The following ANK3 variants were observed in gnomAD, a reference collection of about 807,000 sequenced individuals.
ANK3 encodes the protein ankyrin-3.
A neutral mutation model predicts 370.9 loss-of-function variants in ANK3; 57 were observed. The ratio of observed to expected loss-of-function variants is 0.15; its 90% CI spans 0.12 to 0.19. The LOEUF is 0.19. Ranked by LOEUF, ANK3 falls within the 10% of genes least tolerant of loss-of-function variation. The pLI, the probability that ANK3 is intolerant of heterozygous loss-of-function variation, is 1.00. For synonymous variants in ANK3, 1,929 were observed against 1,946.3 expected (o/e 0.99, Z 0.23); for missense variants, 4,439 against 5,302.1 (o/e 0.84, Z 5.06).
chr10:60,261,311 G>A (rs1036952240), intron 7 of ANK3, among the ~76,000 whole-genome samples: 1 of 152,122 alleles, frequency 6.6e-6, no homozygotes, highest in Non-Finnish European at 1.5e-5. Context: ...CTGTGCAGTG[G>A]GCCATATGAC....
At chr10:60,029,848 A>G (rs1290144155) in intron 43 of ANK3, 22 bp from the exon 44 acceptor site, 15 of 133,000 alleles carry the variant, frequency 1.1e-4, no homozygotes. Flanking sequence ...GACAGTAGAT[A>G]GTGAGTTTAG....
At chr10:60,334,500 CA>C (rs2052308432) in intron 1 of ANK3, among the ~76,000 whole-genome samples, 1 of 152,108 alleles carries the variant, frequency 6.6e-6, no homozygotes, top group Admixed American at 6.6e-5. Flanking sequence ...TGCAGAGGAG[CA>C]GAGCTGGAAG....
chr10:60,352,121 C>A (rs1298191428), intron 1 of ANK3, among the ~76,000 whole-genome samples: 3 of 152,066 alleles, frequency 2.0e-5, no homozygotes, highest in Admixed American at 6.6e-5. Context: ...CATGGTGAAA[C>A]CGTGTCTCTT....
intron 2 of ANK3, among the ~76,000 whole-genome samples, chr10:60,553,146 C>T (rs913963083): frequency 6.6e-6 from 1 of 152,182 alleles, no homozygotes; most frequent in African/African-American, 2.4e-5. Flanking sequence ...TTTAATTACA[C>T]CGTCTAAATG....
chr10:60,725,668 T>C (rs1197276444), intron 1 of ANK3, among the ~76,000 whole-genome samples: 1 of 152,210 alleles, frequency 6.6e-6, no homozygotes, highest in Non-Finnish European at 1.5e-5. Flanking sequence ...GATATGGTTG[T>C]TGTGAGACAT....
chr10:60,221,570 C>A (rs933143600), intron 8 of ANK3, among the ~76,000 whole-genome samples: 2 of 152,080 alleles, frequency 1.3e-5, no homozygotes, highest in African/African-American at 2.4e-5. Flanking sequence ...TATTTTGAAG[C>A]AAATCCAAGA....
At chr10:60,102,453 T>C (rs980073537) in intron 28 of ANK3, among the ~76,000 whole-genome samples, 1 of 152,144 alleles carries the variant, frequency 6.6e-6, no homozygotes, top group African/African-American at 2.4e-5. Flanking sequence ...GGCTCAGAGA[T>C]TGAGTGCTTC....
chr10:60,606,568 C>T (rs1210572528), intron 2 of ANK3, among the ~76,000 whole-genome samples: 2 of 152,128 alleles, frequency 1.3e-5, no homozygotes, highest in Non-Finnish European at 1.5e-5. Flanking sequence ...TAAGGTAAAA[C>T]CTTGCTATGC....
rs36033791 is a variant in ANK3, at chr10:60,141,561, G to GTTTTTTTTTTTT, written c.2615-2486_2615-2475dup. On this transcript the variant is annotated intron_variant, in intron 23 of 43. Transcript: ENST00000280772. ...CACTGGAGAGGCCATTTCAATTGCT[G>GTTTTTTTTTTTT]TTTTTTTTTTTTTTTTTTTTTTTTT... Among the ~76,000 whole-genome samples the GTTTTTTTTTTTT allele has an allele frequency of 2.3e-3, 111 of 49,004 alleles. 7 individuals carry two copies. Among genetic ancestry groups the GTTTTTTTTTTTT allele is most frequent in the African/African-American group, 0.01 (109 of 10,728 alleles). The allele number at this position is 49,004 out of a possible 152,430, so 32.1% of individuals were successfully genotyped here.
chr10:60,532,121 C>G (rs1158019872), intron 2 of ANK3, among the ~76,000 whole-genome samples: 1 of 152,110 alleles, frequency 6.6e-6, no homozygotes, highest in Non-Finnish European at 1.5e-5. Context: ...AGCTTAGGAA[C>G]CTCTTTCTAA....
intron 25 of ANK3, among the ~76,000 whole-genome samples, chr10:60,120,817 A>G (rs990905294): frequency 2.0e-5 from 3 of 152,230 alleles, no homozygotes; most frequent in African/African-American, 7.2e-5. Flanking sequence ...AAGTTAGGCA[A>G]TAACAAATTC....
At position 60,181,356 on chromosome 10, in the gene ANK3, T is replaced by C; in HGVS notation, c.2157A>G (p.Gln719=). 6.2e-7 allele frequency: 1 copy of C among 1,614,200 alleles called. No homozygotes were observed. The highest frequency in any genetic ancestry group is 2.2e-5 in the East Asian group (1 of 44,886). The change falls in exon 18 of 44, where the codon CAA becomes CAG. Residue 719 remains glutamine, a synonymous_variant. Transcript: ENST00000280772. The stretch of plus-strand genomic sequence containing the variant: ...TTGTCTGGGCGTCCACATGAGCCCC[T>C]TGGTTTACGAGGACTTCTGCCACAT... The part of the protein sequence containing the change: ...RVNVAEVLVN[Q]GAHVDAQTKM...
At chr10:60,695,268 AC>A (rs1251974755) in intron 1 of ANK3, among the ~76,000 whole-genome samples, 1 of 152,082 alleles carries the variant, frequency 6.6e-6, no homozygotes, top group Non-Finnish European at 1.5e-5. Flanking sequence ...TGAGTGACCT[AC>A]AAAGAGACTT....
At chr10:60,239,192 G>C (rs2097382415) in intron 7 of ANK3, among the ~76,000 whole-genome samples, 1 of 152,134 alleles carries the variant, frequency 6.6e-6, no homozygotes, top group Non-Finnish European at 1.5e-5. Flanking sequence ...ATAAGGAGAA[G>C]AGATAGAATG....
Position 60,031,335 on chromosome 10 carries a change from A to G in ANK3, c.*20-1509T>C, listed in dbSNP as rs139870026. 4.0e-3 allele frequency among the ~76,000 whole-genome samples: 608 copies of G among 152,304 alleles called. 3 individuals are homozygous for G. The highest frequency in any genetic ancestry group is 6.0e-3 in the Admixed American group (92 of 15,304). On this transcript the variant is annotated intron_variant, in intron 43 of 43. Coordinates refer to ENST00000280772, the MANE Select transcript of ANK3 (RefSeq NM_020987.5). Reference sequence around the variant, plus strand: ...TGAGAATGTCTTGTCTTGCTGGAAGATTCCTGCATAAAGCATCTGTGTTTT... The same window carrying G: ...TGAGAATGTCTTGTCTTGCTGGAAGGTTCCTGCATAAAGCATCTGTGTTTT...
At chr10:60,571,932 A>T (rs1321338053) in intron 2 of ANK3, among the ~76,000 whole-genome samples, 1 of 152,214 alleles carries the variant, frequency 6.6e-6, no homozygotes, top group African/African-American at 2.4e-5. Flanking sequence ...ATATGGCTGT[A>T]TGACTGCAGG....
intron 42 of ANK3, 148 bp from the exon 43 acceptor site, chr10:60,042,907 T>C: frequency 6.8e-7 from 1 of 1,471,192 alleles, no homozygotes; most frequent in Non-Finnish European, 9.0e-7. Flanking sequence ...GTACAATCTT[T>C]AGCTTAACCA....
chr10:60,357,839 C>A (rs1036172207), intron 1 of ANK3, among the ~76,000 whole-genome samples: 2 of 152,134 alleles, frequency 1.3e-5, no homozygotes, highest in Non-Finnish European at 2.9e-5. Context: ...ACTCTGCCAA[C>A]CTTCTGAATC....
intron 1 of ANK3, chr10:60,684,718 C>T: frequency 6.3e-7 from 1 of 1,586,702 alleles, no homozygotes. Context: ...AGTCACTTTT[C>T]ACTTCGGGGA....
Sources: gnomAD v4.1 joint callset for allele counts (sites outside exome capture counted in the v4.1 genomes callset) on GRCh38, gnomAD v4.1.1 for gene constraint, MANE v1.5 for transcripts, NCBI Gene and HGNC (gene_info 2026-07-23, HGNC 2026-07-21) for gene names.